PSMB11: variants seen among roughly 807,000 people sequenced by gnomAD.
PSMB11 encodes the protein proteasome subunit beta type-11.
For missense variants in PSMB11, 411 were observed against 408.2 expected (o/e 1.01, Z -0.06); for synonymous variants, 163 against 167.7 (o/e 0.97, Z 0.22).
In PSMB11 at chr14:23,042,427, C is replaced by A; in HGVS notation, c.202C>A (p.Arg68Ser). 6.2e-7 allele frequency: 1 copy of A among 1,614,026 alleles called. No homozygotes were observed. Among genetic ancestry groups the A allele is most frequent in the East Asian group, 2.2e-5 (1 of 44,890 alleles). The change falls in exon 1 of 1, where the codon CGT becomes AGT. Residue 68 changes from arginine (R) to serine (S), a missense_variant. Transcript: ENST00000408907. ...TGGAGTCATTGCTGCAGCTGACACG[C>A]GTTCCTCCTGTGGCAGCTATGTGGC... Reference protein sequence around the residue: ...RHGVIAAADTRSSCGSYVACP... With the variant: ...RHGVIAAADTSSSCGSYVACP...
rs1566718830 is a variant in PSMB11 at position 23,042,378 on chromosome 14, C to T, written c.153C>T (p.Thr51=). The T allele has an allele frequency of 6.2e-7, 1 of 1,613,802 alleles. No individual in the cohort carries two copies. Among genetic ancestry groups the T allele is most frequent in the Non-Finnish European group, 8.5e-7 (1 of 1,180,024 alleles). ...GCCCCAGACTGGCCCACGGCACCAC[C>T]ACTCTGGCCTTCCGCTTCCGTCATG... is the stretch of plus-strand genomic sequence containing the variant. ...IHGPRLAHGT[T]TLAFRFRHGV... The change falls in exon 1 of 1, where the codon ACC becomes ACT. Residue 51 remains threonine, a synonymous_variant. Coordinates refer to ENST00000408907, the MANE Select transcript of PSMB11 (RefSeq NM_001099780.2).
chr14:23,043,190 G>C lies in PSMB11; in HGVS notation c.*62G>C. 1 of 1,271,298 alleles carries C rather than the reference G, an allele frequency of 7.9e-7. No individual in the cohort carries two copies. Among genetic ancestry groups the C allele is most frequent in the Non-Finnish European group, 1.1e-6 (1 of 915,838 alleles). The allele number at this position is 1,271,298 out of a possible 1,614,324, so 78.8% of individuals were successfully genotyped here. On this transcript the variant is annotated 3_prime_UTR_variant, in exon 1 of 1. Coordinates refer to ENST00000408907, the MANE Select transcript of PSMB11 (RefSeq NM_001099780.2). ...GAGTGGGTGGGAGGATGGGCAGCAG[G>C]GGGAGGGTCCCGCTGGCAGCAGCCT...
Position 23,042,338 on chromosome 14 carries a change from T to A in PSMB11, c.113T>A (p.Phe38Tyr), listed in dbSNP as rs2090280827. ...CCCCGGGGTTGTGACCCTCAAACCT[T>A]CCTGCAGATCCATGGCCCCAGACTG... ...AVPRGCDPQTFLQIHGPRLAH... is the reference protein window; with the variant it reads ...AVPRGCDPQTYLQIHGPRLAH... The change falls in exon 1 of 1, where the codon TTC becomes TAC. Residue 38 changes from phenylalanine to tyrosine, a missense_variant. Phe to Tyr is a conservative substitution (Grantham distance 22, BLOSUM62 3). Transcript: ENST00000408907. 1 of 1,613,550 alleles carries A rather than the reference T, an allele frequency of 6.2e-7. No homozygotes were observed. Among genetic ancestry groups the A allele is most frequent in the Non-Finnish European group, 8.5e-7 (1 of 1,179,996 alleles).
rs370165764 is a variant in PSMB11, at chr14:23,043,116, T to G, written c.891T>G (p.Thr297=). 6.2e-5 allele frequency: 99 copies of G among 1,606,608 alleles called. No homozygotes were observed. The African/African-American group carries it at 1.1e-3, about 18-fold the overall frequency. ...GAGACTCCAGGATGCCAGCAGGGAC[T>G]GAGACGGTGTGAGAAGCAGGACTTG... The part of the protein sequence containing the change: ...TPGDSRMPAG[T]ETV The change falls in exon 1 of 1, where the codon ACT becomes ACG. Residue 297 remains threonine (T), a synonymous_variant. Coordinates refer to ENST00000408907, the MANE Select transcript of PSMB11 (RefSeq NM_001099780.2).
In PSMB11 at chr14:23,042,785, T is replaced by A; in HGVS notation, c.560T>A (p.Val187Glu). ...VGSGSPYAYGVLDRGYRYDMS... is the reference protein window; with the variant it reads ...VGSGSPYAYGELDRGYRYDMS... ...TCTGGATCTCCCTATGCCTACGGCG[T>A]GCTAGACCGTGGCTATCGCTACGAC... Residue 187 changes from valine to glutamate, a missense_variant, in exon 1 of 1, where the codon GTG becomes GAG. Physicochemically the swap from Val to Glu is moderately radical, Grantham distance 121 (BLOSUM62 -2). Coordinates refer to ENST00000408907, the MANE Select transcript of PSMB11 (RefSeq NM_001099780.2). 6.2e-7 allele frequency: 1 copy of A among 1,613,000 alleles called. No homozygotes were observed. Among genetic ancestry groups the A allele is most frequent in the Non-Finnish European group, 8.5e-7 (1 of 1,180,002 alleles).
Position 23,043,227 on chromosome 14 carries a change from G to A in PSMB11, c.*99G>A, listed in dbSNP as rs1594720504. 3.7e-6 allele frequency: 3 copies of A among 806,312 alleles called. No individual in the cohort carries two copies. Among genetic ancestry groups the A allele is most frequent in the Admixed American group, 5.7e-5 (2 of 35,022 alleles). 49.9% of individuals were successfully genotyped at this position (806,312 alleles called of 1,614,324 possible). On this transcript the variant is annotated 3_prime_UTR_variant, in exon 1 of 1. Transcript: ENST00000408907. ...GCTGGCAGCAGCCTCACAGCGTCTG[G>A]CTCTAGCCTGTATGGGTTGCTGGCT...
Position 23,043,246 on chromosome 14 carries a change from G to C in PSMB11, c.*118G>C, listed in dbSNP as rs2047024537. On this transcript the variant is annotated 3_prime_UTR_variant, in exon 1 of 1. Coordinates refer to ENST00000408907, the MANE Select transcript of PSMB11 (RefSeq NM_001099780.2). ...CGTCTGGCTCTAGCCTGTATGGGTT[G>C]CTGGCTTCATTTATTGCAAGTCTCC... 4 of 683,190 alleles carry C rather than the reference G, an allele frequency of 5.9e-6. No homozygotes were observed. The highest frequency in any genetic ancestry group is 3.0e-5 in the Admixed American group (1 of 33,726). The allele number at this position is 683,190 out of a possible 1,614,324, so 42.3% of individuals were successfully genotyped here.
chr14:23,042,224 G>A lies in PSMB11; in HGVS notation c.-2G>A. The A allele has an allele frequency of 6.4e-7, 1 of 1,552,004 alleles. No homozygotes were observed. The highest frequency in any genetic ancestry group is 1.9e-5 in the Admixed American group (1 of 52,922). On this transcript the variant is annotated 5_prime_UTR_variant, in exon 1 of 1. Transcript: ENST00000408907. ...TCTTCCAAACTTCATTCAGCCCCAG[G>A]GATGGCTCTGCAGGATGTGTGCAAG... is the stretch of plus-strand genomic sequence containing the variant.
rs764213911 is a variant in PSMB11 at position 23,042,865 on chromosome 14, C to T, written c.640C>T (p.His214Tyr). Residue 214 changes from histidine (H) to tyrosine (Y), a missense_variant, in exon 1 of 1, where the codon CAC (histidine) becomes TAC (tyrosine). By Grantham distance (83) the His-to-Tyr change is moderately conservative. Transcript: ENST00000408907. The stretch of plus-strand genomic sequence containing the variant: ...TCGCTGCGCCGTGGCCCACGCCACC[C>T]ACCGTGATGCCTATTCAGGGGGCTC... ...LARCAVAHAT[H>Y]RDAYSGGSVD... 5 of 1,613,752 alleles carry T rather than the reference C, an allele frequency of 3.1e-6. No individual in the cohort carries two copies. Among genetic ancestry groups the T allele is most frequent in the Non-Finnish European group, 4.2e-6 (5 of 1,180,044 alleles).
rs778084561 is a variant in PSMB11, at chr14:23,042,476, T to C, written c.251T>C (p.Ile84Thr). The change falls in exon 1 of 1, where the codon ATC becomes ACC. Residue 84 changes from isoleucine to threonine, a missense_variant. Ile to Thr is a moderately conservative substitution (Grantham distance 89). Coordinates refer to ENST00000408907, the MANE Select transcript of PSMB11 (RefSeq NM_001099780.2). ...GCGTGTCCAGCCTCATGCAAGGTCA[T>C]CCCTGTGCACCAGCACCTCCTGGGT... is the stretch of plus-strand genomic sequence containing the variant. ...YVACPASCKV[I>T]PVHQHLLGTT... The C allele has an allele frequency of 5.6e-6, 9 of 1,614,052 alleles. No homozygotes were observed. Among genetic ancestry groups the C allele is most frequent in the Non-Finnish European group, 5.9e-6 (7 of 1,180,042 alleles).
At position 23,042,849 on chromosome 14, in the gene PSMB11, C is replaced by T. The variant is rs762670021; in HGVS notation, c.624C>T (p.Ala208=). Reference sequence around the variant, plus strand: ...AAGCCTACGCCCTGGCTCGCTGCGCCGTGGCCCACGCCACCCACCGTGATG... The same window carrying T: ...AAGCCTACGCCCTGGCTCGCTGCGCTGTGGCCCACGCCACCCACCGTGATG... ...TQEAYALARC[A]VAHATHRDAY... is the part of the protein sequence containing the mutation. Residue 208 remains alanine (A), a synonymous_variant, in exon 1 of 1, where the codon GCC becomes GCT. Coordinates refer to ENST00000408907, the MANE Select transcript of PSMB11 (RefSeq NM_001099780.2). 1.5e-5 allele frequency: 24 copies of T among 1,613,348 alleles called. No homozygotes were observed. The highest frequency in any genetic ancestry group is 2.7e-5 in the African/African-American group (2 of 74,918).
Position 23,042,924 on chromosome 14 carries a change from G to A in PSMB11, c.699G>A (p.Trp233Ter). The A allele has an allele frequency of 6.2e-7, 1 of 1,614,180 alleles. No homozygotes were observed. Among genetic ancestry groups the A allele is most frequent in the Non-Finnish European group, 8.5e-7 (1 of 1,180,022 alleles). ...TTTTCCACGTGCGGGAGAGTGGATG[G>A]GAGCATGTGTCACGCAGTGATGCCT... Reference protein sequence around the residue: ...VDLFHVRESGWEHVSRSDACV... With the variant: ...VDLFHVRESG The change falls in exon 1 of 1, where the codon TGG (tryptophan) becomes TGA (stop). Residue 233 changes from tryptophan (W) to a stop codon, truncating the protein, a stop_gained. Transcript: ENST00000408907. LOFTEE classifies it low-confidence loss of function (END_TRUNC).
rs572562943 is a variant in PSMB11 at position 23,042,679 on chromosome 14, G to A, written c.454G>A (p.Gly152Ser). 381 of 1,613,682 alleles carry A rather than the reference G, an allele frequency of 2.4e-4. 3 individuals carry two copies. The highest frequency in any genetic ancestry group is 2.1e-3 in the South Asian group (193 of 91,080). Residue 152 changes from glycine to serine, a missense_variant, in exon 1 of 1, where the codon GGC becomes AGC. Gly to Ser is a moderately conservative substitution (Grantham distance 56, BLOSUM62 0). Transcript: ENST00000408907. ...LDLCVATALC[G>S]WDRSGPELFY... Reference sequence around the variant, plus strand: ...TCTCTGTGTGGCCACTGCCCTCTGCGGCTGGGACCGCTCTGGCCCTGAGCT... The same window carrying A: ...TCTCTGTGTGGCCACTGCCCTCTGCAGCTGGGACCGCTCTGGCCCTGAGCT...
In PSMB11 at chr14:23,042,253, C is replaced by T. The variant is rs1279985850; in HGVS notation, c.28C>T (p.Gln10Ter). The T allele has an allele frequency of 6.3e-7, 1 of 1,593,394 alleles. No individual in the cohort carries two copies. Among genetic ancestry groups the T allele is most frequent in the Non-Finnish European group, 8.6e-7 (1 of 1,169,234 alleles). MALQDVCKW[Q>*]SPDTQGPSPH... ...GGCTCTGCAGGATGTGTGCAAGTGG[C>T]AGTCCCCTGACACCCAGGGACCATC... The change falls in exon 1 of 1, where the codon CAG becomes TAG. Residue 10 changes from glutamine (Q) to a stop codon, truncating the protein, a stop_gained. Transcript: ENST00000408907. LOFTEE classifies it low-confidence loss of function (END_TRUNC).
Position 23,043,016 on chromosome 14 carries a change from A to G in PSMB11, c.791A>G (p.His264Arg), listed in dbSNP as rs2047022844. 1.9e-6 allele frequency: 3 copies of G among 1,613,928 alleles called. No individual in the cohort carries two copies. The highest frequency in any genetic ancestry group is 2.5e-6 in the Non-Finnish European group (3 of 1,179,966). The change falls in exon 1 of 1, where the codon CAT (histidine) becomes CGT (arginine). Residue 264 changes from histidine (H) to arginine (R), a missense_variant. Coordinates refer to ENST00000408907, the MANE Select transcript of PSMB11 (RefSeq NM_001099780.2). ...PEPEEDASHA[H>R]PEPATAHRAA... Reference sequence around the variant, plus strand: ...CCAGAGGAGGATGCCAGCCATGCCCATCCTGAGCCTGCCACTGCCCACAGA... The same window carrying G: ...CCAGAGGAGGATGCCAGCCATGCCCGTCCTGAGCCTGCCACTGCCCACAGA...
At position 23,042,322 on chromosome 14, in the gene PSMB11, T is replaced by C; in HGVS notation, c.97T>C (p.Cys33Arg). Residue 33 changes from cysteine (C) to arginine (R), a missense_variant, in exon 1 of 1, where the codon TGT becomes CGT. Cys to Arg is a radical substitution (Grantham distance 180, BLOSUM62 -3). Transcript: ENST00000408907. ...TGGCGGCTGGGCTGTGCCCCGGGGT[T>C]GTGACCCTCAAACCTTCCTGCAGAT... ...RAGGWAVPRG[C>R]DPQTFLQIHG... 1 of 1,613,698 alleles carries C rather than the reference T, an allele frequency of 6.2e-7. No individual in the cohort carries two copies. Among genetic ancestry groups the C allele is most frequent in the Non-Finnish European group, 8.5e-7 (1 of 1,179,994 alleles).
In PSMB11 at chr14:23,042,249, G is replaced by A. The variant is rs564335128; in HGVS notation, c.24G>A (p.Lys8=). The A allele has an allele frequency of 8.2e-5, 130 of 1,591,076 alleles. No homozygotes were observed. Among genetic ancestry groups the A allele is most frequent in the Non-Finnish European group, 1.0e-4 (120 of 1,168,054 alleles). ...GGATGGCTCTGCAGGATGTGTGCAA[G>A]TGGCAGTCCCCTGACACCCAGGGAC... MALQDVC[K]WQSPDTQGPS... The change falls in exon 1 of 1, where the codon AAG becomes AAA. Residue 8 remains lysine (K), a synonymous_variant. Coordinates refer to ENST00000408907, the MANE Select transcript of PSMB11 (RefSeq NM_001099780.2).
In PSMB11 at chr14:23,042,532, A is replaced by T. The variant is rs2047018812; in HGVS notation, c.307A>T (p.Thr103Ser). 1 of 1,614,060 alleles carries T rather than the reference A, an allele frequency of 6.2e-7. No homozygotes were observed. Among genetic ancestry groups the T allele is most frequent in the Non-Finnish European group, 8.5e-7 (1 of 1,180,036 alleles). ...CTCTGGCACCTCTGCCGACTGTGCT[A>T]CCTGGTATCGGGTATTACAGCGGGA... is the stretch of plus-strand genomic sequence containing the variant. ...TTSGTSADCA[T>S]WYRVLQRELR... The change falls in exon 1 of 1, where the codon ACC (threonine) becomes TCC (serine). Residue 103 changes from threonine to serine, a missense_variant. Transcript: ENST00000408907.
Position 23,043,180 on chromosome 14 carries a change from T to C in PSMB11, c.*52T>C. The C allele has an allele frequency of 7.3e-7, 1 of 1,360,864 alleles. No homozygotes were observed. Among genetic ancestry groups the C allele is most frequent in the Non-Finnish European group, 1.0e-6 (1 of 990,642 alleles). The allele number at this position is 1,360,864 out of a possible 1,614,324, so 84.3% of individuals were successfully genotyped here. A position where few individuals can be genotyped will look rare whatever the true frequency, so the allele number is the denominator to read the frequency against. ...TAGGCCTGGGGAGTGGGTGGGAGGA[T>C]GGGCAGCAGGGGGAGGGTCCCGCTG... On this transcript the variant is annotated 3_prime_UTR_variant, in exon 1 of 1. Transcript: ENST00000408907.
Sources: gnomAD v4.1 joint callset for allele counts on GRCh38, gnomAD v4.1.1 for gene constraint, MANE v1.5 for transcripts, NCBI Gene and HGNC (gene_info 2026-07-23, HGNC 2026-07-21) for gene names.